Variants in HSH2D observed in about 807,000 individuals in gnomAD.
HSH2D encodes the protein hematopoietic SH2 domain containing, also known as hematopoietic SH2 domain-containing protein.
A neutral mutation model predicts 21.5 loss-of-function variants in HSH2D; 16 were observed. That is an observed-to-expected ratio of 0.74 (90% CI 0.50 to 1.13). The LOEUF is 1.13. Among genes scored for constraint, HSH2D ranks in the 50% most tolerant of loss-of-function variants. The pLI is 0.00. For missense variants in HSH2D, 418 were observed against 441.4 expected (o/e 0.95, Z 0.47); for synonymous variants, 172 against 184.7 (o/e 0.93, Z 0.56).
chr19:16,140,777 C>T (rs1359692047), upstream of HSH2D, among the ~76,000 whole-genome samples: 1 of 151,894 alleles, frequency 6.6e-6, no homozygotes, highest in African/African-American at 2.4e-5. Flanking sequence ...GTCCCAGCTA[C>T]TCAGGAGGCT....
intron 3 of HSH2D, 57 bp from the exon 4 acceptor site, chr19:16,152,986 A>T: frequency 6.4e-7 from 1 of 1,568,314 alleles, no homozygotes. Context: ...AGGGCTGGGG[A>T]CTTGGGGCAG....
rs183862530 is a variant in HSH2D at position 16,154,561 on chromosome 19, T to G, written c.474+70T>G. The stretch of plus-strand genomic sequence containing the variant: ...GCAGGAGTGGAGGTGGTCAACAGCT[T>G]CCAGAGGAGGCTCCTTCTAGAATGA... On this transcript the variant is annotated intron_variant, in intron 5 of 5. Coordinates refer to ENST00000613986, the MANE Select transcript of HSH2D (RefSeq NM_001382417.1). 7.0e-4 allele frequency: 621 copies of G among 892,120 alleles called. 3 individuals are homozygous for G. The African/African-American group carries it at 9.3e-3, about 13-fold the overall frequency. 55.3% of individuals were successfully genotyped at this position (892,120 alleles called of 1,614,324 possible).
chr19:16,146,734 G>A (rs142302109), intron 1 of HSH2D, among the ~76,000 whole-genome samples: 158 of 151,560 alleles, frequency 1.0e-3, no homozygotes, highest in African/African-American at 3.6e-3. Flanking sequence ...GACCACCACC[G>A]TTGGGTCAGC....
chr19:16,136,279 C>G (rs1020551387), intron 1 of HSH2D, among the ~76,000 whole-genome samples: 2 of 152,154 alleles, frequency 1.3e-5, no homozygotes, highest in African/African-American at 4.8e-5. Context: ...CAGTTTCTGT[C>G]CAAAACTGCA....
intron 4 of HSH2D, among the ~76,000 whole-genome samples, chr19:16,153,545 G>T (rs1438135356): frequency 6.6e-6 from 1 of 151,172 alleles, no homozygotes; most frequent in Admixed American, 6.6e-5. Context: ...TTCCTTAGAA[G>T]GCTCAGTGGG....
chr19:16,143,904 C>A, intron 1 of HSH2D, 130 bp downstream of exon 1: 2 of 237,266 alleles, frequency 8.4e-6, no homozygotes, highest in South Asian at 3.2e-5. Context: ...GGGAGAGCTT[C>A]GTGGAGGAGG....
chr19:16,153,267 C>T (rs933580742), intron 4 of HSH2D, 59 bp downstream of exon 4: 12 of 1,410,928 alleles, frequency 8.5e-6, no homozygotes, highest in African/African-American at 1.4e-5. Context: ...CCCCCCAGAC[C>T]CCTTTGTTTC....
chr19:16,137,590 AAG>A (rs2090972927), intron 1 of HSH2D, among the ~76,000 whole-genome samples: 3 of 151,262 alleles, frequency 2.0e-5, no homozygotes, highest in African/African-American at 7.3e-5. Flanking sequence ...AAAAAAAAAA[AAG>A]AAAAAAAGAA....
intron 1 of HSH2D, among the ~76,000 whole-genome samples, chr19:16,147,483 CA>C (rs1033691785): frequency 0.053 from 3,239 of 61,594 alleles, 83 homozygotes; most frequent in African/African-American, 0.14. Context: ...GACCCTGTCT[CA>C]AAAAAAAAAA....
chr19:16,148,828 G>A lies in HSH2D; in HGVS notation c.78G>A (p.Leu26=), dbSNP rs766854212. 1.9e-5 allele frequency: 31 copies of A among 1,613,732 alleles called. No homozygotes were observed. Among genetic ancestry groups the A allele is most frequent in the Non-Finnish European group, 2.6e-5 (31 of 1,179,806 alleles). The part of the protein sequence containing the change: ...DWFVHTQMGQ[L]AQDGVPEWFH... ...TTGTGCACACCCAGATGGGCCAGCT[G>A]GCCCAAGACGGGGTCCCCGAGTGGT... The change falls in exon 2 of 6, where the codon CTG becomes CTA. Residue 26 remains leucine (L), a synonymous_variant. Coordinates refer to ENST00000613986, the MANE Select transcript of HSH2D (RefSeq NM_001382417.1).
rs1404431293 is a variant in HSH2D, at chr19:16,152,670, G to T, written c.215+29G>T. The T allele has an allele frequency of 2.7e-6, 4 of 1,509,282 alleles. No individual in the cohort carries two copies. In the South Asian group the frequency reaches 5.0e-5, roughly 19 times the overall value. 93.5% of individuals were successfully genotyped at this position (1,509,282 alleles called of 1,614,324 possible). On this transcript the variant is annotated intron_variant, in intron 3 of 5. Transcript: ENST00000613986. Reference sequence around the variant, plus strand: ...AGGCCTGGGCCGGGATCCAGGGCAGGGGCAGGTGGGCTCTTGGGTTTCCTT... The same window carrying T: ...AGGCCTGGGCCGGGATCCAGGGCAGTGGCAGGTGGGCTCTTGGGTTTCCTT...
At chr19:16,149,908 T>A (rs1381747405) in intron 2 of HSH2D, among the ~76,000 whole-genome samples, 1 of 152,078 alleles carries the variant, frequency 6.6e-6, no homozygotes, top group Non-Finnish European at 1.5e-5. Context: ...CCTCAGACTG[T>A]GAGCTCTGAG....
intron 1 of HSH2D, among the ~76,000 whole-genome samples, chr19:16,146,892 C>A (rs2091078360): frequency 6.7e-6 from 1 of 150,336 alleles, no homozygotes; most frequent in African/African-American, 2.5e-5. Context: ...ATGGCGCGAT[C>A]TTGGCTCACT....
upstream of HSH2D, among the ~76,000 whole-genome samples, chr19:16,142,590 A>G (rs2091010566): frequency 6.6e-6 from 1 of 151,976 alleles, no homozygotes; most frequent in South Asian, 2.1e-4. Flanking sequence ...CAGCCTCCCA[A>G]ATAGCTGGGA....
At chr19:16,139,373 C>T (rs772200034), upstream of HSH2D, among the ~76,000 whole-genome samples, 10 of 152,150 alleles carry the variant, frequency 6.6e-5, no homozygotes, top group South Asian at 2.1e-4. Context: ...TGAGCTCAGG[C>T]GTTCTAGACC....
chr19:16,149,223 G>A (rs962965885), intron 2 of HSH2D, among the ~76,000 whole-genome samples: 1 of 152,078 alleles, frequency 6.6e-6, no homozygotes, highest in African/African-American at 2.4e-5. Context: ...TTCTTTTTGA[G>A]ACAGGGTCTC....
chr19:16,149,455 G>A (rs774769136), intron 2 of HSH2D, among the ~76,000 whole-genome samples: 1 of 152,116 alleles, frequency 6.6e-6, no homozygotes, highest in Non-Finnish European at 1.5e-5. Context: ...CACCCGCCTC[G>A]GCCTCCCGAA....
At chr19:16,151,225 T>A (rs1449116324) in intron 2 of HSH2D, among the ~76,000 whole-genome samples, 2 of 150,132 alleles carry the variant, frequency 1.3e-5, no homozygotes, top group Non-Finnish European at 2.9e-5. Context: ...CTTGGGAGGC[T>A]GAGGCAGGAG....
intron 4 of HSH2D, among the ~76,000 whole-genome samples, chr19:16,153,668 A>AG (rs1202976579): frequency 9.4e-6 from 1 of 106,742 alleles, no homozygotes; most frequent in Admixed American, 9.6e-5. Flanking sequence ...TTTCCTTAGA[A>AG]GCTCGGTGGG....
Sources: gnomAD v4.1 joint callset for allele counts (sites outside exome capture counted in the v4.1 genomes callset) on GRCh38, gnomAD v4.1.1 for gene constraint, MANE v1.5 for transcripts, NCBI Gene and HGNC (gene_info 2026-07-23, HGNC 2026-07-21) for gene names.